The following PAPPA2 variants were observed in gnomAD, a reference collection of about 807,000 sequenced individuals.
The protein encoded by PAPPA2 is pappalysin 2.
In PAPPA2, 86 loss-of-function variants were observed where a neutral mutation model predicts 176.4. The ratio of observed to expected loss-of-function variants is 0.49; its 90% CI spans 0.41 to 0.58. The LOEUF is 0.58. Among genes scored for constraint, PAPPA2 ranks in the 20% least tolerant of loss-of-function variants. The pLI, the probability that PAPPA2 is intolerant of heterozygous loss-of-function variation, is 0.00. For missense variants in PAPPA2, 2,073 were observed against 2,256.9 expected, an observed-to-expected ratio of 0.92 and a Z score of 1.65; for synonymous variants, 809 against 852.2, an observed-to-expected ratio of 0.95 and a Z score of 0.88.
rs190098107 is a variant in PAPPA2 at position 176,800,190 on chromosome 1, T to C, written c.5202+58T>C. On this transcript the variant is annotated intron_variant, in intron 21 of 22. Transcript: ENST00000367662. ...AGAGAACTCAGGTGGATTTAACTTA[T>C]GGAGCTTGAATCCTTCTAATTTAGG... 2.6e-4 allele frequency: 409 copies of C among 1,544,658 alleles called. 3 individuals are homozygous for C. The African/African-American group carries it at 4.5e-3, about 17-fold the overall frequency.
At chr1:176,623,671 T>C (rs992650544) in intron 3 of PAPPA2, among the ~76,000 whole-genome samples, 78 of 128,224 alleles carry the variant, frequency 6.1e-4, no homozygotes, top group African/African-American at 1.9e-3. Context: ...TTCTTTCTTT[T>C]TCTTTCTTTC....
rs183649882 is a variant in PAPPA2, at chr1:176,517,101, T to G, written c.-916-38306T>G. Among the ~76,000 whole-genome samples the G allele has an allele frequency of 3.3e-5, 5 of 152,276 alleles. No individual in the cohort carries two copies. In the East Asian group the frequency reaches 9.7e-4, roughly 29 times the overall value. ...TACCATATTTATAGAGACTCTTCCTTGACCTTCCGCAAAAACCAGGAAAAA... is the reference window on the plus strand; with the variant it reads ...TACCATATTTATAGAGACTCTTCCTGGACCTTCCGCAAAAACCAGGAAAAA... On this transcript the variant is annotated intron_variant, in intron 1 of 22. Coordinates refer to ENST00000367662, the MANE Select transcript of PAPPA2 (RefSeq NM_020318.3).
chr1:176,622,448 A>T (rs988582065), intron 3 of PAPPA2, among the ~76,000 whole-genome samples: 1 of 152,212 alleles, frequency 6.6e-6, no homozygotes, highest in African/African-American at 2.4e-5. Context: ...AGGTATAAAT[A>T]TAAAAACTGT....
chr1:176,803,034 C>A (rs1334406375), intron 21 of PAPPA2, among the ~76,000 whole-genome samples: 4 of 152,172 alleles, frequency 2.6e-5, no homozygotes, highest in Non-Finnish European at 5.9e-5. Flanking sequence ...ACGTTCAATT[C>A]TATTTTTCTA....
intron 3 of PAPPA2, among the ~76,000 whole-genome samples, chr1:176,615,466 A>T (rs970848306): frequency 4.6e-5 from 7 of 152,054 alleles, no homozygotes; most frequent in African/African-American, 1.4e-4. Context: ...GCCTGCCACC[A>T]TGCCCGGCTA....
At chr1:176,590,221 T>A (rs1160374976) in intron 2 of PAPPA2, among the ~76,000 whole-genome samples, 1 of 152,222 alleles carries the variant, frequency 6.6e-6, no homozygotes, top group Non-Finnish European at 1.5e-5. Flanking sequence ...AGGAGACACT[T>A]GGCAGCTTGC....
chr1:176,630,726 G>A (rs1160989176), intron 3 of PAPPA2, among the ~76,000 whole-genome samples: 2 of 152,116 alleles, frequency 1.3e-5, no homozygotes, highest in East Asian at 3.8e-4. Context: ...TGATAGGGGA[G>A]GTGACACATG....
At chr1:176,685,822 G>T (rs1168846454) in intron 4 of PAPPA2, among the ~76,000 whole-genome samples, 1 of 152,090 alleles carries the variant, frequency 6.6e-6, no homozygotes, top group African/African-American at 2.4e-5. Flanking sequence ...ATTAAATTTT[G>T]GGCAACACAT....
chr1:176,541,935 C>T (rs562221274), intron 1 of PAPPA2, among the ~76,000 whole-genome samples: 11 of 152,198 alleles, frequency 7.2e-5, no homozygotes, highest in Non-Finnish European at 1.6e-4. Context: ...TAGTGATACA[C>T]TTTGTTAGCA....
chr1:176,489,393 TCA>T (rs2102491121), intron 1 of PAPPA2, among the ~76,000 whole-genome samples: 1 of 152,260 alleles, frequency 6.6e-6, no homozygotes, highest in Non-Finnish European at 1.5e-5. Flanking sequence ...AGGCCTTGAG[TCA>T]AATACCCTTT....
intron 21 of PAPPA2, among the ~76,000 whole-genome samples, chr1:176,802,348 A>C (rs761197508): frequency 3.9e-5 from 6 of 152,192 alleles, no homozygotes; most frequent in African/African-American, 1.4e-4. Flanking sequence ...AATAAGTAAT[A>C]AAAAATGCAA....
chr1:176,566,677 C>G (rs996685090), intron 2 of PAPPA2, among the ~76,000 whole-genome samples: 1 of 152,154 alleles, frequency 6.6e-6, no homozygotes. Context: ...CTTTTGGCAG[C>G]CCACATACAT....
chr1:176,806,193 C>T (rs1340051287), intron 21 of PAPPA2, among the ~76,000 whole-genome samples: 1 of 152,100 alleles, frequency 6.6e-6, no homozygotes, highest in Non-Finnish European at 1.5e-5. Flanking sequence ...TCTCTAAATT[C>T]AATGCATACC....
intron 16 of PAPPA2, among the ~76,000 whole-genome samples, chr1:176,770,278 C>T (rs557297468): frequency 2.0e-5 from 3 of 152,258 alleles, no homozygotes; most frequent in East Asian, 3.9e-4. Flanking sequence ...TTGCAGATTC[C>T]TGAACCTTTC....
rs766713614 is a variant in PAPPA2 at position 176,769,797 on chromosome 1, C to G, written c.4501+13C>G. 1 of 1,578,318 alleles carries G rather than the reference C, an allele frequency of 6.3e-7. No homozygotes were observed. On this transcript the variant is annotated intron_variant, in intron 16 of 22. Transcript: ENST00000367662. ...GCCAAGCTGCAAGGTATTGTCTGGT[C>G]AACCAGGAACTGTATGCAAGTTCTC...
intron 5 of PAPPA2, chr1:176,691,331 C>T (rs907297861): frequency 1.2e-5 from 3 of 247,290 alleles, no homozygotes; most frequent in African/African-American, 2.3e-5. Flanking sequence ...GGGAGGAAAG[C>T]GTGATGAGCC....
rs535172897 is a variant in PAPPA2, at chr1:176,580,975, A to G, written c.920-13549A>G. 7.9e-5 allele frequency among the ~76,000 whole-genome samples: 12 copies of G among 152,066 alleles called. No homozygotes were observed. In the South Asian group the frequency reaches 1.2e-3, roughly 16 times the overall value. On this transcript the variant is annotated intron_variant, in intron 2 of 22. Coordinates refer to ENST00000367662, the MANE Select transcript of PAPPA2 (RefSeq NM_020318.3). ...TTTCTTTTGCTGTGCAAAAGCTTTT[A>G]GTTCAATAGTTTTTTCATTTGTTGC...
chr1:176,750,686 A>G (rs1663133699), intron 14 of PAPPA2, among the ~76,000 whole-genome samples: 1 of 152,244 alleles, frequency 6.6e-6, no homozygotes, highest in Non-Finnish European at 1.5e-5. Context: ...AATGTATTAT[A>G]TACTGTATTC....
At chr1:176,623,730 T>TTC (rs1360322381) in intron 3 of PAPPA2, among the ~76,000 whole-genome samples, 40 of 114,466 alleles carry the variant, frequency 3.5e-4, no homozygotes, top group African/African-American at 6.1e-4. Flanking sequence ...TTCTTTCTCT[T>TTC]TCTTTCTTTC....
Sources: allele counts gnomAD v4.1 joint callset (sites outside exome capture counted in the v4.1 genomes callset), GRCh38; gene constraint gnomAD v4.1.1; transcripts MANE v1.5; gene names NCBI Gene and HGNC (gene_info 2026-07-23, HGNC 2026-07-21).